Variants in SATB2 observed in about 807,000 individuals in gnomAD.
The protein encoded by SATB2 is DNA-binding protein SATB2.
SATB2 carries 1 observed loss-of-function variant against 73.4 expected under a neutral mutation model. The observed-to-expected ratio is 0.01, with a 90% CI of 0.00 to 0.06. The LOEUF (loss-of-function observed/expected upper bound fraction) is 0.06, where lower values mean the gene tolerates loss of function less well. Among genes scored for constraint, SATB2 ranks in the 10% least tolerant of loss-of-function variants. The probability of loss-of-function intolerance (pLI) is 1.00; values close to 1 mark genes in which losing one functional copy is unlikely to be tolerated. For synonymous variants in SATB2, 397 were observed against 367.0 expected (o/e 1.08, Z -0.93); for missense variants, 459 against 945.8 (o/e 0.49, Z 6.75).
intron 2 of SATB2, among the ~76,000 whole-genome samples, chr2:199,434,661 T>C (rs1274876682): frequency 6.6e-6 from 1 of 152,126 alleles, no homozygotes; most frequent in African/African-American, 2.4e-5. Context: ...GAAAGTCACA[T>C]GGTCATGGTG....
rs148806110 is a variant in SATB2, at chr2:199,464,433, G to GCACACACACACACACA, written c.-141+387_-141+402dup. ...CACCACCATTTCCACGCGCGCGCGC[G>GCACACACACACACACA]CACACACACACACACACACACAGAG... On this transcript the variant is annotated intron_variant, in intron 1 of 11. Coordinates refer to the SATB2 transcript ENST00000260926. This position sits in a 1 kb window ranked among gnomAD's most constrained non-coding sequence, Gnocchi z 6.6. Among the ~76,000 whole-genome samples the GCACACACACACACACA allele has an allele frequency of 6.7e-6, 1 of 149,382 alleles. No individual in the cohort carries two copies. The highest frequency in any genetic ancestry group is 2.4e-5 in the African/African-American group (1 of 40,970).
At chr2:199,439,611 G>T (rs571832787) in intron 2 of SATB2, among the ~76,000 whole-genome samples, 112 of 152,292 alleles carry the variant, frequency 7.4e-4, no homozygotes, top group Non-Finnish European at 1.2e-3. Context: ...AAAAGTGAGG[G>T]ATGGCTACTA....
chr2:199,441,910 C>T (rs1467161843), intron 2 of SATB2, among the ~76,000 whole-genome samples: 3 of 152,130 alleles, frequency 2.0e-5, no homozygotes, highest in Non-Finnish European at 4.4e-5. Context: ...TTTGTGGCAG[C>T]TTATCTAAAC....
intron 3 of SATB2, among the ~76,000 whole-genome samples, chr2:199,389,237 T>C (rs1467309379): frequency 6.6e-6 from 1 of 152,196 alleles, no homozygotes; most frequent in Non-Finnish European, 1.5e-5. Flanking sequence ...ATTTTCCTTT[T>C]TAATGCATAG....
chr2:199,408,940 G>T (rs939131269), intron 3 of SATB2, among the ~76,000 whole-genome samples: 2 of 151,862 alleles, frequency 1.3e-5, no homozygotes, highest in African/African-American at 4.8e-5. Context: ...TGAGGGAGTG[G>T]GAAAAGATAT....
Position 199,291,382 on chromosome 2 carries a change from G to A in SATB2, c.1740+17378C>T, listed in dbSNP as rs1306389238. ...CTTCTAAAAATATGCATCTGAAACTGAATAAATAATGGAAGTTAAGAAACT... is the reference window on the plus strand; with the variant it reads ...CTTCTAAAAATATGCATCTGAAACTAAATAAATAATGGAAGTTAAGAAACT... On this transcript the variant is annotated intron_variant, in intron 10 of 10. Coordinates refer to ENST00000417098, the MANE Select transcript of SATB2 (RefSeq NM_001172509.2). Among the ~76,000 whole-genome samples, 6 of 152,166 alleles carry A rather than the reference G, an allele frequency of 3.9e-5. No homozygotes were observed. In the East Asian group the frequency reaches 1.2e-3, roughly 29 times the overall value.
chr2:199,379,377 G>C (rs1172166834), intron 5 of SATB2, among the ~76,000 whole-genome samples: 2 of 152,128 alleles, frequency 1.3e-5, no homozygotes, highest in African/African-American at 2.4e-5. Context: ...ATGATGTAAA[G>C]ATCATCTCTC....
intron 10 of SATB2, among the ~76,000 whole-genome samples, chr2:199,293,971 T>C (rs926547620): frequency 2.1e-4 from 32 of 152,100 alleles, no homozygotes; most frequent in African/African-American, 7.5e-4. Flanking sequence ...TTCAACTTTC[T>C]AAATAATCTA....
At chr2:199,451,746 T>C (rs1408596842) in intron 2 of SATB2, among the ~76,000 whole-genome samples, 1 of 152,118 alleles carries the variant, frequency 6.6e-6, no homozygotes, top group Non-Finnish European at 1.5e-5. Flanking sequence ...ATGTAGACAA[T>C]TAAACTAACT....
chr2:199,350,370 A>C (rs574642795), intron 6 of SATB2, among the ~76,000 whole-genome samples: 32 of 152,238 alleles, frequency 2.1e-4, no homozygotes, highest in Admixed American at 5.2e-4. Flanking sequence ...ACTGAGTCTC[A>C]AAAAATTTAG....
chr2:199,432,582 T>A (rs1262418678), intron 3 of SATB2, among the ~76,000 whole-genome samples: 1 of 152,164 alleles, frequency 6.6e-6, no homozygotes, highest in Non-Finnish European at 1.5e-5. Context: ...ACAATACAAT[T>A]CAACCATTTC....
Position 199,433,534 on chromosome 2 carries a change from G to T in SATB2, c.170-20C>A. ...TCAAACCTGAAGGGACAAAATTCAAGAGCAAAACACAAACATTAAAAAGCA... is the reference window on the plus strand; with the variant it reads ...TCAAACCTGAAGGGACAAAATTCAATAGCAAAACACAAACATTAAAAAGCA... On this transcript the variant is annotated intron_variant, in intron 2 of 10. Coordinates refer to ENST00000417098, the MANE Select transcript of SATB2 (RefSeq NM_001172509.2). The T allele has an allele frequency of 6.2e-7, 1 of 1,612,384 alleles. No homozygotes were observed. The highest frequency in any genetic ancestry group is 8.5e-7 in the Non-Finnish European group (1 of 1,178,470).
At chr2:199,415,489 T>C (rs1461902042) in intron 3 of SATB2, among the ~76,000 whole-genome samples, 1 of 152,224 alleles carries the variant, frequency 6.6e-6, no homozygotes, top group Non-Finnish European at 1.5e-5. Context: ...ATTGTATTGC[T>C]ATAAGAAGAA....
At chr2:199,370,092 T>C (rs1689398518) in intron 5 of SATB2, among the ~76,000 whole-genome samples, 1 of 152,156 alleles carries the variant, frequency 6.6e-6, no homozygotes, top group Admixed American at 6.6e-5. Flanking sequence ...GGATGACCAC[T>C]GGAATCCTAA....
intron 10 of SATB2, among the ~76,000 whole-genome samples, chr2:199,298,780 A>T (rs941523715): frequency 6.6e-6 from 1 of 152,224 alleles, no homozygotes; most frequent in Non-Finnish European, 1.5e-5. Context: ...TGAGAATTTC[A>T]TCTACCCAGG....
intron 2 of SATB2, among the ~76,000 whole-genome samples, chr2:199,444,583 C>A (rs966625204): frequency 1.3e-5 from 2 of 152,056 alleles, no homozygotes; most frequent in Non-Finnish European, 1.5e-5. Context: ...CCCTAGAAAG[C>A]CAGTTTCAAA....
At chr2:199,383,915 G>A (rs769305495) in intron 3 of SATB2, among the ~76,000 whole-genome samples, 21 of 152,326 alleles carry the variant, frequency 1.4e-4, no homozygotes, top group Non-Finnish European at 2.8e-4. Context: ...ACAGAAAGGG[G>A]CATTACATAG....
At chr2:199,394,755 A>G (rs1690248512) in intron 3 of SATB2, among the ~76,000 whole-genome samples, 1 of 152,170 alleles carries the variant, frequency 6.6e-6, no homozygotes, top group African/African-American at 2.4e-5. Context: ...AAATATAGAC[A>G]AAAGCCTGCA....
intron 3 of SATB2, among the ~76,000 whole-genome samples, chr2:199,409,967 TCCATCACTGCCCCCCA>T (rs1690761227): frequency 6.6e-6 from 1 of 150,838 alleles, no homozygotes; most frequent in Admixed American, 6.7e-5. Context: ...TCCCCATCAC[TCCATCACTGCCCCCCA>T]CCATCACTGA....
Sources: allele counts gnomAD v4.1 joint callset (sites outside exome capture counted in the v4.1 genomes callset), GRCh38; gene constraint gnomAD v4.1.1; non-coding constraint Gnocchi (gnomAD v3.1); transcripts MANE v1.5; gene names NCBI Gene and HGNC (gene_info 2026-07-23, HGNC 2026-07-21).